PGS1: variants seen among roughly 807,000 people sequenced by gnomAD.
The protein encoded by PGS1 is phosphatidylglycerophosphate synthase 1.
Under a neutral mutation model 58.3 loss-of-function variants are expected in PGS1, and 44 were observed. The observed-to-expected ratio is 0.75, with a 90% CI of 0.59 to 0.97. PGS1 has a LOEUF of 0.97. Among genes scored for constraint, PGS1 ranks in the 50% least tolerant of loss-of-function variants. The pLI, the probability that PGS1 is intolerant of heterozygous loss-of-function variation, is 0.00. For synonymous variants in PGS1, 330 were observed against 311.0 expected, an observed-to-expected ratio of 1.06 and a Z score of -0.64; for missense variants, 684 against 731.1, an observed-to-expected ratio of 0.94 and a Z score of 0.74.
chr17:78,397,593 C>CA (rs1567962265), intron 3 of PGS1, among the ~76,000 whole-genome samples: 1 of 130,544 alleles, frequency 7.7e-6, no homozygotes, highest in Non-Finnish European at 1.8e-5. Context: ...TGCGCCACCC[C>CA]CCCAGCTAAT....
chr17:78,409,467 G>A (rs1196562942), intron 7 of PGS1, among the ~76,000 whole-genome samples: 1 of 152,254 alleles, frequency 6.6e-6, no homozygotes, highest in African/African-American at 2.4e-5. Context: ...AAGGTGAACT[G>A]ATGGTGAGAG....
chr17:78,419,613 AGGTGAAGCTGTG>A lies in PGS1; in HGVS notation c.1627_1638del (p.Leu543_Lys546del). On this transcript the variant is annotated inframe_deletion, in exon 9 of 10. Transcript: ENST00000262764. ...GCCACCTTCGAGCAGCCGAGTCGCC[AGGTGAAGCTGTG>A]GGTGAAGATGGTGACTCCACTGATC... The A allele has an allele frequency of 1.2e-6, 2 of 1,614,118 alleles. No individual in the cohort carries two copies. The highest frequency in any genetic ancestry group is 1.7e-6 in the Non-Finnish European group (2 of 1,179,990).
intron 1 of PGS1, among the ~76,000 whole-genome samples, chr17:78,387,083 A>C (rs2082447863): frequency 6.6e-6 from 1 of 152,150 alleles, no homozygotes; most frequent in Non-Finnish European, 1.5e-5. Context: ...TGACCTCTGC[A>C]ACCTCCATCT....
intron 2 of PGS1, among the ~76,000 whole-genome samples, chr17:78,394,481 G>A (rs2083075568): frequency 6.6e-6 from 1 of 152,116 alleles, no homozygotes; most frequent in South Asian, 2.1e-4. Context: ...TGTACCGAAT[G>A]ATGCTGCAAC....
chr17:78,382,451 G>A (rs144852609), intron 1 of PGS1, among the ~76,000 whole-genome samples: 1 of 152,142 alleles, frequency 6.6e-6, no homozygotes, highest in East Asian at 1.9e-4. Context: ...TCACGAAAAC[G>A]GAGTAAAGAA....
chr17:78,386,587 G>A lies in PGS1; in HGVS notation c.144-5889G>A, dbSNP rs543411477. On this transcript the variant is annotated intron_variant, in intron 1 of 9. Coordinates refer to ENST00000262764, the MANE Select transcript of PGS1 (RefSeq NM_024419.5). Reference sequence around the variant, plus strand: ...GTTCTCTAAATGGTGAATGTGACATGTAACTAGACTTTTTTGGTAAAATAA... The same window carrying A: ...GTTCTCTAAATGGTGAATGTGACATATAACTAGACTTTTTTGGTAAAATAA... Among the ~76,000 whole-genome samples, 3 of 152,312 alleles carry A rather than the reference G, an allele frequency of 2.0e-5. No individual in the cohort carries two copies. In the South Asian group the frequency reaches 6.2e-4, roughly 32 times the overall value.
intron 5 of PGS1, 82 bp downstream of exon 5, chr17:78,399,619 G>T (rs890965268): frequency 2.1e-6 from 3 of 1,399,798 alleles, no homozygotes; most frequent in East Asian, 4.6e-5. Flanking sequence ...TGGGAAACCC[G>T]TTCCCCTCAG....
intron 1 of PGS1, among the ~76,000 whole-genome samples, chr17:78,383,459 C>G (rs1050637509): frequency 1.3e-5 from 2 of 152,106 alleles, no homozygotes; most frequent in Admixed American, 6.5e-5. Flanking sequence ...CTCCTGACCT[C>G]AGGTGGTCCG....
intron 7 of PGS1, among the ~76,000 whole-genome samples, chr17:78,408,597 G>C (rs964630586): frequency 1.4e-4 from 21 of 152,370 alleles, no homozygotes; most frequent in African/African-American, 4.6e-4. Flanking sequence ...AGAAGGGAGT[G>C]GGGTGGGGGC....
Position 78,403,786 on chromosome 17 carries a change from A to G in PGS1, c.1099A>G (p.Ile367Val). Residue 367 changes from isoleucine (I) to valine (V), a missense_variant, in exon 7 of 10, where the codon ATT becomes GTT. Ile to Val is a conservative substitution (Grantham distance 29). Transcript: ENST00000262764. ...MKPFEIQIDE[I>V]VTETLLTEAE... ...GCCCTTCGAGATTCAAATCGATGAG[A>G]TTGTCACTGAGACCCTGTTGACTGA... is the stretch of plus-strand genomic sequence containing the variant. The G allele has an allele frequency of 6.2e-7, 1 of 1,614,174 alleles. No homozygotes were observed. Among genetic ancestry groups the G allele is most frequent in the East Asian group, 2.2e-5 (1 of 44,880 alleles).
chr17:78,417,339 C>T (rs140310770), intron 8 of PGS1, among the ~76,000 whole-genome samples: 9 of 152,328 alleles, frequency 5.9e-5, no homozygotes, highest in Non-Finnish European at 8.8e-5. Context: ...CCATCAGGCA[C>T]GTCCAGCCAG....
In PGS1 at chr17:78,414,860, C is replaced by T. The variant is rs377610151; in HGVS notation, c.1403-19C>T. The stretch of plus-strand genomic sequence containing the variant: ...ATGCTGTGCTCATTTCCTGTCTGCA[C>T]GTTTCCTTTTCCCCGCAGGCCTCTG... On this transcript the variant is annotated intron_variant, in intron 7 of 9. Coordinates refer to ENST00000262764, the MANE Select transcript of PGS1 (RefSeq NM_024419.5). 71 of 1,613,170 alleles carry T rather than the reference C, an allele frequency of 4.4e-5. No individual in the cohort carries two copies. The highest frequency in any genetic ancestry group is 4.3e-4 in the Admixed American group (26 of 59,970).
At chr17:78,422,709 A>G (rs2146372576) in intron 9 of PGS1, among the ~76,000 whole-genome samples, 2 of 151,846 alleles carry the variant, frequency 1.3e-5, no homozygotes, top group East Asian at 3.9e-4. Flanking sequence ...CACGTTGCCC[A>G]GGCTGGTCTT....
chr17:78,410,115 AAAC>A (rs2084507687), intron 7 of PGS1, among the ~76,000 whole-genome samples: 1 of 151,114 alleles, frequency 6.6e-6, no homozygotes, highest in Non-Finnish European at 1.5e-5. Flanking sequence ...AAACAAAACA[AAAC>A]AAAACAAAAC....
At chr17:78,389,774 CA>C (rs939586488) in intron 1 of PGS1, among the ~76,000 whole-genome samples, 1 of 151,814 alleles carries the variant, frequency 6.6e-6, no homozygotes, top group African/African-American at 2.4e-5. Flanking sequence ...CCACCACACC[CA>C]ACTAATTTTT....
chr17:78,389,836 G>T (rs1870594077), intron 1 of PGS1, among the ~76,000 whole-genome samples: 1 of 151,670 alleles, frequency 6.6e-6, no homozygotes, highest in African/African-American at 2.4e-5. Flanking sequence ...GGCTGGTTTT[G>T]AACTCCTGAC....
intron 6 of PGS1, among the ~76,000 whole-genome samples, chr17:78,401,500 T>G (rs1356169005): frequency 6.6e-6 from 1 of 152,250 alleles, no homozygotes; most frequent in Non-Finnish European, 1.5e-5. Context: ...CTGTGATTCC[T>G]GCGGCTGTGG....
At chr17:78,413,353 G>A (rs1236659933) in intron 7 of PGS1, among the ~76,000 whole-genome samples, 1 of 152,196 alleles carries the variant, frequency 6.6e-6, no homozygotes, top group Non-Finnish European at 1.5e-5. Flanking sequence ...CCTTTGAAAG[G>A]GGTGTGTCAG....
At chr17:78,402,984 C>T (rs1185033564) in intron 6 of PGS1, among the ~76,000 whole-genome samples, 1 of 152,206 alleles carries the variant, frequency 6.6e-6, no homozygotes, top group Non-Finnish European at 1.5e-5. Flanking sequence ...CTTCCTCTCT[C>T]TCAGGCACTG....
Sources: gnomAD v4.1 joint callset for allele counts (sites outside exome capture counted in the v4.1 genomes callset) on GRCh38, gnomAD v4.1.1 for gene constraint, MANE v1.5 for transcripts, NCBI Gene and HGNC (gene_info 2026-07-23, HGNC 2026-07-21) for gene names.